The following KPNA7 variants were observed in gnomAD, a reference collection of about 807,000 sequenced individuals.
KPNA7 encodes the protein importin subunit alpha-8.
In KPNA7, 54 loss-of-function variants were observed where a neutral mutation model predicts 53.7. That is an observed-to-expected ratio of 1.01 (90% CI 0.81 to 1.26). The LOEUF (loss-of-function observed/expected upper bound fraction) is 1.26, where lower values mean the gene tolerates loss of function less well. Ranked by LOEUF, KPNA7 falls within the 50% of genes most tolerant of loss-of-function variation. The pLI, the probability that KPNA7 is intolerant of heterozygous loss-of-function variation, is 0.00. For synonymous variants in KPNA7, 276 were observed against 259.3 expected (o/e 1.06, Z -0.62); for missense variants, 640 against 644.5 (o/e 0.99, Z 0.07).
At chr7:99,209,898 C>G (rs561128258), upstream of KPNA7, among the ~76,000 whole-genome samples, 117 of 151,788 alleles carry the variant, frequency 7.7e-4, 1 homozygote, top group Non-Finnish European at 1.1e-3. Flanking sequence ...GTCCCAGCTA[C>G]TTGAGGCTGA....
chr7:99,192,296 A>G (rs1384663412), intron 6 of KPNA7, among the ~76,000 whole-genome samples: 1 of 152,216 alleles, frequency 6.6e-6, no homozygotes, highest in Non-Finnish European at 1.5e-5. Flanking sequence ...CTATTTTGCA[A>G]GATGGCAAGC....
At chr7:99,206,120 C>T (rs2150776047) in intron 2 of KPNA7, among the ~76,000 whole-genome samples, 1 of 152,292 alleles carries the variant, frequency 6.6e-6, no homozygotes, top group Non-Finnish European at 1.5e-5. Flanking sequence ...TGTATACTGG[C>T]CCTTGAGGAA....
upstream of KPNA7, among the ~76,000 whole-genome samples, chr7:99,212,783 C>T (rs1347705316): frequency 1.3e-5 from 2 of 151,854 alleles, no homozygotes; most frequent in South Asian, 2.1e-4. Flanking sequence ...CACCTATAGT[C>T]CCAGATACTC....
At chr7:99,152,842 C>T in the KPNA7 span, among the ~76,000 whole-genome samples, 44 of 152,084 alleles carry the variant, frequency 2.9e-4, no homozygotes, top group African/African-American at 1.0e-3. Flanking sequence ...TGAGGGCTGC[C>T]GTGCCTCTCT....
At chr7:99,185,442 G>A (rs558566010) in intron 7 of KPNA7, among the ~76,000 whole-genome samples, 7 of 152,210 alleles carry the variant, frequency 4.6e-5, no homozygotes, top group Non-Finnish European at 7.4e-5. Context: ...CAACTCTTGG[G>A]CTCAAGTGAT....
At chr7:99,153,967 A>G in the KPNA7 span, among the ~76,000 whole-genome samples, 3 of 152,038 alleles carry the variant, frequency 2.0e-5, no homozygotes, top group African/African-American at 7.2e-5. Context: ...CTCTAAAAAA[A>G]AGAAAAAAAA....
At chr7:99,189,850 C>T (rs1037327693) in intron 6 of KPNA7, among the ~76,000 whole-genome samples, 7 of 152,118 alleles carry the variant, frequency 4.6e-5, no homozygotes, top group African/African-American at 1.7e-4. Context: ...CCTCGGCCTC[C>T]CAAAATGCTG....
chr7:99,217,976 A>G (rs1212924155), intron 1 of KPNA7, among the ~76,000 whole-genome samples: 1 of 152,054 alleles, frequency 6.6e-6, no homozygotes, highest in East Asian at 1.9e-4. Context: ...ACCAACATGA[A>G]TGAGACGCAC....
chr7:99,180,787 G>C (rs1354740807), intron 9 of KPNA7, among the ~76,000 whole-genome samples: 3 of 7,516 alleles, frequency 4.0e-4, no homozygotes, highest in Non-Finnish European at 7.5e-4. Flanking sequence ...CTCTCTCCCC[G>C]TCTGTGTCTC....
At position 99,188,518 on chromosome 7, in the gene KPNA7, G is replaced by A. The variant is rs1179703795; in HGVS notation, c.682C>T (p.Arg228Ter). The part of the protein sequence containing the change: ...NITWTLSNLC[R>*]NKNPYPCDTA... ...TCGCAAGGGTATGGGTTCTTGTTTC[G>A]GCACAGATTCGACAAGGTCCACGTG... is the stretch of plus-strand genomic sequence containing the variant. Residue 228 changes from arginine (R) to a stop codon, truncating the protein, a stop_gained, in exon 7 of 11, where the codon CGA (arginine) becomes TGA (stop). Coordinates refer to ENST00000327442, the MANE Select transcript of KPNA7 (RefSeq NM_001145715.3). LOFTEE classifies it high-confidence loss of function. 12 of 1,551,518 alleles carry A rather than the reference G, an allele frequency of 7.7e-6. No individual in the cohort carries two copies. The highest frequency in any genetic ancestry group is 1.4e-5 in the African/African-American group (1 of 73,016).
chr7:99,178,124 A>G, intron 9 of KPNA7, 58 bp from the exon 10 acceptor site: 1 of 1,494,350 alleles, frequency 6.7e-7, no homozygotes, highest in Non-Finnish European at 9.1e-7. Context: ...GGGGATAGGG[A>G]CTCTGTCAGC....
At chr7:99,159,914 T>A in the KPNA7 span, among the ~76,000 whole-genome samples, 2 of 151,998 alleles carry the variant, frequency 1.3e-5, no homozygotes, top group African/African-American at 2.4e-5. Flanking sequence ...TGGAATTTAT[T>A]AAGAGAAGGA....
At chr7:99,167,168 G>T in the KPNA7 span, among the ~76,000 whole-genome samples, 1 of 152,134 alleles carries the variant, frequency 6.6e-6, no homozygotes, top group Non-Finnish European at 1.5e-5. Context: ...CACACACCTG[G>T]AGCCAGCTCC....
chr7:99,145,973 A>G, the KPNA7 span, among the ~76,000 whole-genome samples: 109,244 of 152,100 alleles, frequency 0.72, 41,686 homozygotes, highest in Non-Finnish European at 0.85. Context: ...CAATAGCAGT[A>G]GAGCCACAAT....
At chr7:99,149,780 G>C in the KPNA7 span, among the ~76,000 whole-genome samples, 1 of 152,068 alleles carries the variant, frequency 6.6e-6, no homozygotes, top group East Asian at 1.9e-4. Context: ...GCATCAAGTT[G>C]TTTTTTGTTG....
At chr7:99,194,433 G>T (rs921593572) in intron 5 of KPNA7, among the ~76,000 whole-genome samples, 27 of 152,160 alleles carry the variant, frequency 1.8e-4, no homozygotes, top group Admixed American at 1.5e-3. Flanking sequence ...GTTATGTAAG[G>T]GTCTATCATA....
At chr7:99,175,581 T>C (rs1297232013) in intron 10 of KPNA7, among the ~76,000 whole-genome samples, 1 of 151,956 alleles carries the variant, frequency 6.6e-6, no homozygotes, top group African/African-American at 2.4e-5. Context: ...AGTGGCACCA[T>C]CTTGGCTCAC....
At chr7:99,168,692 C>T (rs971124891), downstream of KPNA7, among the ~76,000 whole-genome samples, 1 of 152,024 alleles carries the variant, frequency 6.6e-6, no homozygotes, top group Non-Finnish European at 1.5e-5. Flanking sequence ...GAGATGGGAT[C>T]TTGCTATGAT....
chr7:99,202,618 G>T (rs1299569359), intron 3 of KPNA7, among the ~76,000 whole-genome samples: 1 of 152,074 alleles, frequency 6.6e-6, no homozygotes, highest in East Asian at 1.9e-4. Flanking sequence ...TCTGAGACAG[G>T]CAGGTCACCT....
Sources: gnomAD v4.1 joint callset for allele counts (sites outside exome capture counted in the v4.1 genomes callset) on GRCh38, gnomAD v4.1.1 for gene constraint, MANE v1.5 for transcripts, NCBI Gene and HGNC (gene_info 2026-07-23, HGNC 2026-07-21) for gene names.